The following GNAI1 variants were observed in gnomAD, a reference collection of about 807,000 sequenced individuals.
GNAI1 encodes guanine nucleotide-binding protein G(i) subunit alpha-1.
In GNAI1, 11 loss-of-function variants were observed where a neutral mutation model predicts 38.9. That is an observed-to-expected ratio of 0.28 (90% confidence interval 0.18 to 0.47). The LOEUF (loss-of-function observed/expected upper bound fraction) is 0.47. GNAI1 is among the 20% of genes least tolerant of loss of function. GNAI1 has a pLI of 0.99. For synonymous variants in GNAI1, 166 were observed against 145.1 expected (o/e 1.14, Z -1.04); for missense variants, 317 against 436.9 (o/e 0.73, Z 2.45).
chr7:80,199,438 A>C, intron 4 of GNAI1, 56 bp downstream of exon 4: 1 of 1,296,966 alleles, frequency 7.7e-7, no homozygotes, highest in Non-Finnish European at 1.1e-6. Flanking sequence ...TGCAAGTCAA[A>C]TATACTTCCA....
At chr7:80,184,105 C>G (rs536964396) in intron 1 of GNAI1, among the ~76,000 whole-genome samples, 2 of 152,248 alleles carry the variant, frequency 1.3e-5, no homozygotes, top group South Asian at 4.1e-4. Context: ...CCTCTGTGTG[C>G]CTGTTACCAG....
chr7:80,208,687 C>T (rs1459720883), intron 5 of GNAI1, among the ~76,000 whole-genome samples: 1 of 152,164 alleles, frequency 6.6e-6, no homozygotes, highest in Non-Finnish European at 1.5e-5. Context: ...GCGTCTGGTT[C>T]CATTTGGCTT....
chr7:80,150,105 T>C (rs1787697870), intron 1 of GNAI1, among the ~76,000 whole-genome samples: 1 of 152,192 alleles, frequency 6.6e-6, no homozygotes, highest in South Asian at 2.1e-4. Flanking sequence ...CATCAATTGG[T>C]AAAACAATTT....
chr7:80,171,086 A>G (rs1774547285), intron 1 of GNAI1, among the ~76,000 whole-genome samples: 1 of 152,214 alleles, frequency 6.6e-6, no homozygotes, highest in African/African-American at 2.4e-5. Context: ...AAACTAAAGT[A>G]TATTGTTAAA....
intron 7 of GNAI1, 54 bp from the exon 8 acceptor site, chr7:80,217,249 T>TATGTATGAAACTG: frequency 1.7e-6 from 2 of 1,162,578 alleles, no homozygotes; most frequent in Non-Finnish European, 2.4e-6. Context: ...TTCAGTATTT[T>TATGTATGAAACTG]AAGCAGTTAT....
At chr7:80,138,202 C>A (rs1478026153) in intron 1 of GNAI1, among the ~76,000 whole-genome samples, 2 of 152,074 alleles carry the variant, frequency 1.3e-5, no homozygotes, top group Non-Finnish European at 2.9e-5. Context: ...AAATATATTG[C>A]ATTTTTTTCT....
At position 80,189,140 on chromosome 7, in the gene GNAI1, C is replaced by T. The variant is rs367776716; in HGVS notation, c.212C>T (p.Ala71Val). ...YSEEECKQYK[A>V]VVYSNTIQSI... is the part of the protein sequence containing the mutation. ...GAAGAGGAGTGTAAACAATACAAAG[C>T]AGTGGTCTACAGTAACACCATCCAG... is the stretch of plus-strand genomic sequence containing the variant. Residue 71 changes from alanine (A) to valine (V), a missense_variant, in exon 3 of 8, where the codon GCA becomes GTA. Ala to Val is a moderately conservative substitution (Grantham distance 64, BLOSUM62 0). This residue lies in a region of GNAI1 where 40 missense variants were observed against 78.0 expected (regional missense o/e 0.51). Coordinates refer to ENST00000649796, the MANE Select transcript of GNAI1 (RefSeq NM_002069.6). The T allele has an allele frequency of 2.2e-5, 36 of 1,603,342 alleles. No homozygotes were observed. The highest frequency in any genetic ancestry group is 3.1e-5 in the Non-Finnish European group (36 of 1,174,630).
intron 1 of GNAI1, among the ~76,000 whole-genome samples, chr7:80,153,389 T>C (rs1787761924): frequency 6.6e-6 from 1 of 152,186 alleles, no homozygotes; most frequent in African/African-American, 2.4e-5. Context: ...ACTTTTAAAG[T>C]ATGTTTGAGC....
At position 80,222,837 on chromosome 7, in the gene GNAI1, G is replaced by C. The variant is rs145639365; in HGVS notation, c.*5344G>C. On this transcript the variant is annotated 3_prime_UTR_variant, in exon 8 of 8. Coordinates refer to ENST00000649796, the MANE Select transcript of GNAI1 (RefSeq NM_002069.6). ...ACAGGTGCTCCTTGACTTACCGTGG[G>C]TTAAGTCCTGAAAAGCCCACTGTAA... Among the ~76,000 whole-genome samples, 21 of 152,186 alleles carry C rather than the reference G, an allele frequency of 1.4e-4. No individual in the cohort carries two copies. The highest frequency in any genetic ancestry group is 4.6e-4 in the Admixed American group (7 of 15,272).
intron 5 of GNAI1, among the ~76,000 whole-genome samples, chr7:80,204,094 A>T (rs1034858485): frequency 6.6e-5 from 10 of 152,122 alleles, no homozygotes; most frequent in Non-Finnish European, 1.2e-4. Context: ...CAAACAAAAT[A>T]GTTTTTGGCT....
chr7:80,225,905 GA>G lies in GNAI1; in HGVS notation c.*8413del, dbSNP rs1283277711. On this transcript the variant is annotated 3_prime_UTR_variant, in exon 8 of 8. Coordinates refer to ENST00000649796, the MANE Select transcript of GNAI1 (RefSeq NM_002069.6). ...TGTATGCACACACACACACATCTGT[GA>G]GAATGATTATTTTCTACTTGATACA... Among the ~76,000 whole-genome samples, 1 of 152,096 alleles carries G rather than the reference GA, an allele frequency of 6.6e-6. No homozygotes were observed. The highest frequency in any genetic ancestry group is 1.5e-5 in the Non-Finnish European group (1 of 68,014).
chr7:80,207,515 C>T (rs866974292), intron 5 of GNAI1, among the ~76,000 whole-genome samples: 15 of 152,172 alleles, frequency 9.9e-5, no homozygotes, highest in African/African-American at 3.1e-4. Flanking sequence ...GATAAACACA[C>T]GTTTGTCAGG....
At chr7:80,145,663 T>G (rs775405837) in intron 1 of GNAI1, among the ~76,000 whole-genome samples, 3 of 152,220 alleles carry the variant, frequency 2.0e-5, no homozygotes, top group Non-Finnish European at 4.4e-5. Flanking sequence ...CCATTTTCAT[T>G]ATATTGTACC....
chr7:80,158,493 G>T (rs1014482356), intron 1 of GNAI1, among the ~76,000 whole-genome samples: 2 of 152,136 alleles, frequency 1.3e-5, no homozygotes, highest in African/African-American at 4.8e-5. Flanking sequence ...CCCTCATGCT[G>T]TTCTTACGAT....
At chr7:80,135,645 A>AAC (rs1787396530) in intron 1 of GNAI1, 2 of 41,404 alleles carry the variant, frequency 4.8e-5, no homozygotes, top group African/African-American at 1.7e-4. Context: ...AGAAAATGAA[A>AAC]ACACCCCCCC....
chr7:80,212,684 G>T, intron 6 of GNAI1, 32 bp from the exon 7 acceptor site: 3 of 1,399,878 alleles, frequency 2.1e-6, no homozygotes, highest in South Asian at 1.6e-5. Flanking sequence ...CTTGCTGTTA[G>T]TGACGATTGG....
At position 80,147,971 on chromosome 7, in the gene GNAI1, C is replaced by T. The variant is rs1787657124; in HGVS notation, c.118+12693C>T. Among the ~76,000 whole-genome samples, 7 of 152,230 alleles carry T rather than the reference C, an allele frequency of 4.6e-5. No individual in the cohort carries two copies. The South Asian group carries it at 1.5e-3, about 32-fold the overall frequency. ...TTTGGGAAGCTGATAAAGTACATAA[C>T]ACATTATTGGAACATTTCACCATTA... On this transcript the variant is annotated intron_variant, in intron 1 of 7. Coordinates refer to ENST00000649796, the MANE Select transcript of GNAI1 (RefSeq NM_002069.6).
intron 3 of GNAI1, among the ~76,000 whole-genome samples, chr7:80,190,887 CTT>C (rs919975291): frequency 6.6e-6 from 1 of 151,434 alleles, no homozygotes; most frequent in Admixed American, 6.6e-5. Context: ...GTCGTTTTCT[CTT>C]TCTTTTTTTA....
chr7:80,137,293 C>CTTTTTTTTTTTTTATTTTTTTTTTT (rs377362596), intron 1 of GNAI1, among the ~76,000 whole-genome samples: 1 of 95,262 alleles, frequency 1.0e-5, no homozygotes, highest in African/African-American at 4.1e-5. Context: ...TTTCTTTTTT[C>CTTTTTTTTTTTTTATTTTTTTTTTT]TTTTTTTTTT....
Sources: gnomAD v4.1 joint callset for allele counts (sites outside exome capture counted in the v4.1 genomes callset) on GRCh38, gnomAD v4.1.1 for gene constraint, gnomAD v4.1.1 regional missense constraint, MANE v1.5 for transcripts, NCBI Gene and HGNC (gene_info 2026-07-23, HGNC 2026-07-21) for gene names.